ROPN1L: variants seen among roughly 807,000 people sequenced by gnomAD.
The protein encoded by ROPN1L is ropporin-1-like protein.
In ROPN1L, 23 loss-of-function variants were observed where a neutral mutation model predicts 22.7. The observed-to-expected ratio is 1.01, with a 90% CI of 0.73 to 1.43. The LOEUF (loss-of-function observed/expected upper bound fraction) is 1.43, where lower values mean the gene tolerates loss of function less well. ROPN1L is among the 40% of genes most tolerant of loss of function. The pLI is 0.00. For missense variants in ROPN1L, 271 were observed against 291.5 expected, an observed-to-expected ratio of 0.93 and a Z score of 0.51; for synonymous variants, 116 against 117.8, an observed-to-expected ratio of 0.98 and a Z score of 0.10.
downstream of ROPN1L, among the ~76,000 whole-genome samples, chr5:10,468,962 T>C (rs373745215): frequency 2.0e-5 from 3 of 151,464 alleles, no homozygotes; most frequent in South Asian, 2.1e-4. Flanking sequence ...GAGACCATCC[T>C]GGCTAACACG....
intron 4 of ROPN1L, among the ~76,000 whole-genome samples, chr5:10,470,358 A>G (rs923521894): frequency 1.3e-5 from 2 of 152,232 alleles, no homozygotes; most frequent in African/African-American, 4.8e-5. Context: ...AACCCCCTTT[A>G]GAGGGGACTG....
chr5:10,461,628 T>TTCAG, intron 4 of ROPN1L: 1 of 357,600 alleles, frequency 2.8e-6, no homozygotes, highest in South Asian at 3.4e-5. Flanking sequence ...AGGTTGAGGG[T>TTCAG]TCAGTCCCCA....
exon 5 of ROPN1L, chr5:10,471,964 C>T (rs545975900): frequency 4.6e-5 from 7 of 152,342 alleles, no homozygotes; most frequent in South Asian, 2.1e-4. Context: ...CACGGCCATT[C>T]GATGAAGACA....
chr5:10,473,025 C>G (rs928965665), downstream of ROPN1L, among the ~76,000 whole-genome samples: 28 of 152,140 alleles, frequency 1.8e-4, no homozygotes, highest in African/African-American at 6.8e-4. Flanking sequence ...AAGGCCAGCA[C>G]CACCTCAGCT....
At chr5:10,453,716 C>G (rs1289899165) in intron 3 of ROPN1L, among the ~76,000 whole-genome samples, 1 of 152,154 alleles carries the variant, frequency 6.6e-6, no homozygotes, top group Non-Finnish European at 1.5e-5. Context: ...ATTTATTTAT[C>G]TTAGAAATCA....
intron 1 of ROPN1L, among the ~76,000 whole-genome samples, chr5:10,445,756 T>C (rs1295825835): frequency 6.6e-6 from 1 of 152,072 alleles, no homozygotes; most frequent in Admixed American, 6.6e-5. Flanking sequence ...CAAGACCTTG[T>C]CTGTACTAAA....
At chr5:10,476,277 T>C (rs1735316882), downstream of ROPN1L, among the ~76,000 whole-genome samples, 1 of 152,224 alleles carries the variant, frequency 6.6e-6, no homozygotes, top group Non-Finnish European at 1.5e-5. Context: ...TTGCGGGGCA[T>C]GATTGCGTGT....
At chr5:10,454,610 C>A (rs1057330769) in intron 3 of ROPN1L, among the ~76,000 whole-genome samples, 3 of 152,134 alleles carry the variant, frequency 2.0e-5, no homozygotes, top group African/African-American at 7.2e-5. Flanking sequence ...CAAAACAAAT[C>A]ACATTGACTT....
At chr5:10,481,699 G>A in the ROPN1L span, among the ~76,000 whole-genome samples, 1 of 152,220 alleles carries the variant, frequency 6.6e-6, no homozygotes, top group African/African-American at 2.4e-5. Context: ...TGACGTGGGG[G>A]GCCCAGGTGG....
chr5:10,447,768 C>A (rs550073339), intron 1 of ROPN1L, among the ~76,000 whole-genome samples: 26 of 152,242 alleles, frequency 1.7e-4, no homozygotes, highest in Middle Eastern at 3.4e-3. Flanking sequence ...GTAGTCCCAG[C>A]TACTCAGGAG....
At position 10,461,173 on chromosome 5, in the gene ROPN1L, G is replaced by A. The variant is rs373551496; in HGVS notation, c.418-11G>A. The stretch of plus-strand genomic sequence containing the variant: ...ACTGTTTTTCTCCCCACCTGGCTGT[G>A]GTGCTCCCAGTCCTTGAACACTGCG... On this transcript the variant is annotated splice_polypyrimidine_tract_variant and intron_variant, in intron 3 of 4. Coordinates refer to ENST00000274134, the MANE Select transcript of ROPN1L (RefSeq NM_031916.5). 9.2e-5 allele frequency: 147 copies of A among 1,606,096 alleles called. No individual in the cohort carries two copies. Among genetic ancestry groups the A allele is most frequent in the Non-Finnish European group, 1.1e-4 (135 of 1,174,866 alleles).
Position 10,453,184 on chromosome 5 carries a change from G to A in ROPN1L, c.417+3071G>A, listed in dbSNP as rs145948516. Among the ~76,000 whole-genome samples, 691 of 152,326 alleles carry A rather than the reference G, an allele frequency of 4.5e-3. 1 individual carries two copies. The highest frequency in any genetic ancestry group is 0.016 in the African/African-American group (676 of 41,572). On this transcript the variant is annotated intron_variant, in intron 3 of 4. Transcript: ENST00000274134. Reference sequence around the variant, plus strand: ...AGTGCGGCTGTAGACTCAGGGTCAGGTTCAAGTGTGGAAGCTGACCTCTCC... The same window carrying A: ...AGTGCGGCTGTAGACTCAGGGTCAGATTCAAGTGTGGAAGCTGACCTCTCC...
rs768427973 is a variant in ROPN1L, at chr5:10,442,199, A to T, written c.32A>T (p.Gln11Leu). ...CTTCCCGACACCATGTTCTGCGCTC[A>T]GCAGATCCACATTCCCCCGGAGCTG... is the stretch of plus-strand genomic sequence containing the variant. The part of the protein sequence containing the change: MPLPDTMFCA[Q>L]QIHIPPELPD... The change falls in exon 1 of 5, where the codon CAG (glutamine) becomes CTG (leucine). Residue 11 changes from glutamine (Q) to leucine (L), a missense_variant. Physicochemically the swap from Gln to Leu is moderately radical, Grantham distance 113 (BLOSUM62 -2). Transcript: ENST00000274134. The T allele has an allele frequency of 6.2e-7, 1 of 1,613,786 alleles. No individual in the cohort carries two copies. The highest frequency in any genetic ancestry group is 8.5e-7 in the Non-Finnish European group (1 of 1,179,878).
At chr5:10,473,964 T>G (rs990905193), downstream of ROPN1L, among the ~76,000 whole-genome samples, 1 of 151,900 alleles carries the variant, frequency 6.6e-6, no homozygotes, top group African/African-American at 2.4e-5. Context: ...CCACCCTGGG[T>G]TACATGGCAA....
At chr5:10,464,571 C>T (rs1015656374) in intron 4 of ROPN1L, among the ~76,000 whole-genome samples, 2 of 152,208 alleles carry the variant, frequency 1.3e-5, no homozygotes, top group African/African-American at 4.8e-5. Flanking sequence ...GCCACTTCTC[C>T]CACCACTTTC....
chr5:10,465,030 C>G, downstream of ROPN1L: 1 of 684,816 alleles, frequency 1.5e-6, no homozygotes, highest in South Asian at 2.5e-5. Context: ...AATCACACAC[C>G]TCTGTAGTGT....
chr5:10,459,609 C>A (rs190065429), intron 3 of ROPN1L, among the ~76,000 whole-genome samples: 89 of 152,232 alleles, frequency 5.8e-4, no homozygotes, highest in African/African-American at 1.9e-3. Context: ...GAGCTCCTGG[C>A]TGTTTCTGGA....
chr5:10,481,856 C>T, the ROPN1L span: 1 of 152,196 alleles, frequency 6.6e-6, no homozygotes, highest in East Asian at 1.9e-4. Context: ...ATAACCAAAC[C>T]TGCTCTCTGC....
intron 2 of ROPN1L, among the ~76,000 whole-genome samples, chr5:10,448,906 G>A (rs1180458113): frequency 1.3e-5 from 2 of 152,214 alleles, no homozygotes; most frequent in African/African-American, 4.8e-5. Context: ...ACGCCATCCT[G>A]TTTTTACAGA....
Sources: allele counts gnomAD v4.1 joint callset (sites outside exome capture counted in the v4.1 genomes callset), GRCh38; gene constraint gnomAD v4.1.1; transcripts MANE v1.5; gene names NCBI Gene and HGNC (gene_info 2026-07-23, HGNC 2026-07-21).